The following ENTPD1 variants were observed in gnomAD, a reference collection of about 807,000 sequenced individuals.
ENTPD1 encodes ectonucleoside triphosphate diphosphohydrolase 1.
A neutral mutation model predicts 57.0 loss-of-function variants in ENTPD1; 33 were observed. The observed-to-expected ratio is 0.58, with a 90% confidence interval of 0.44 to 0.77. The LOEUF (loss-of-function observed/expected upper bound fraction) is 0.77, where lower values mean the gene tolerates loss of function less well. ENTPD1 is among the 30% of genes least tolerant of loss of function. The pLI is 0.00. For synonymous variants in ENTPD1, 202 were observed against 218.8 expected, an observed-to-expected ratio of 0.92 and a Z score of 0.68; for missense variants, 501 against 603.4, an observed-to-expected ratio of 0.83 and a Z score of 1.78.
chr10:95,867,553 A>G lies in ENTPD1; in HGVS notation c.*1170A>G, dbSNP rs1360056252. ...TGCCCTATCGTGGAATTTACACATC[A>G]GAATGTGCAGGATCCAAGTCTGAAA... is the stretch of plus-strand genomic sequence containing the variant. On this transcript the variant is annotated 3_prime_UTR_variant, in exon 10 of 10. Coordinates refer to ENST00000371205, the MANE Select transcript of ENTPD1 (RefSeq NM_001776.6). The G allele has an allele frequency of 6.1e-6, 6 of 985,348 alleles. No individual in the cohort carries two copies. Among genetic ancestry groups the G allele is most frequent in the Non-Finnish European group, 7.2e-6 (6 of 829,950 alleles). 61.0% of individuals were successfully genotyped at this position (985,348 alleles called of 1,614,324 possible). A position where few individuals can be genotyped will look rare whatever the true frequency, so the allele number is the denominator to read the frequency against.
intron 7 of ENTPD1, among the ~76,000 whole-genome samples, chr10:95,854,942 A>G (rs370881722): frequency 1.3e-5 from 2 of 152,118 alleles, no homozygotes; most frequent in East Asian, 1.9e-4. Flanking sequence ...GTAGATGTCT[A>G]TCTATTAGGT....
intron 2 of ENTPD1, among the ~76,000 whole-genome samples, chr10:95,833,244 T>G (rs2098401622): frequency 6.6e-6 from 1 of 152,218 alleles, no homozygotes; most frequent in South Asian, 2.1e-4. Context: ...ACCACAAAAC[T>G]GCACTTAAAA....
intron 1 of ENTPD1, among the ~76,000 whole-genome samples, chr10:95,738,431 C>T (rs2097996888): frequency 6.6e-6 from 1 of 152,168 alleles, no homozygotes; most frequent in African/African-American, 2.4e-5. Flanking sequence ...GTGAGGGAGG[C>T]CCCTTGCTTG....
At chr10:95,851,308 AT>A (rs980524203) in intron 7 of ENTPD1, among the ~76,000 whole-genome samples, 2 of 151,878 alleles carry the variant, frequency 1.3e-5, no homozygotes, top group African/African-American at 4.8e-5. Flanking sequence ...CATGAATTTT[AT>A]TTTTTTAATT....
intron 1 of ENTPD1, among the ~76,000 whole-genome samples, chr10:95,734,426 A>G (rs764425876): frequency 1.2e-4 from 19 of 152,250 alleles, no homozygotes; most frequent in Non-Finnish European, 1.8e-4. Flanking sequence ...AAAGGGCAGA[A>G]TATGGCAAGG....
chr10:95,705,561 G>A, the ENTPD1 span, among the ~76,000 whole-genome samples: 24,246 of 151,932 alleles, frequency 0.16, 2,731 homozygotes, highest in East Asian at 0.56. Context: ...GCGTGAACTC[G>A]GCTCACTGCA....
Position 95,871,565 on chromosome 10 carries a change from T to A in ENTPD1, c.*5182T>A, listed in dbSNP as rs1399419614. ...ACAATCAGTTTTATCACAGGTATAATGGATTTTTCAATAGTGAGGAGGTGC... is the reference window on the plus strand; with the variant it reads ...ACAATCAGTTTTATCACAGGTATAAAGGATTTTTCAATAGTGAGGAGGTGC... On this transcript the variant is annotated 3_prime_UTR_variant, in exon 10 of 10. Coordinates refer to ENST00000371205, the MANE Select transcript of ENTPD1 (RefSeq NM_001776.6). The A allele has an allele frequency of 2.0e-6, 2 of 985,356 alleles. No homozygotes were observed. The highest frequency in any genetic ancestry group is 2.4e-6 in the Non-Finnish European group (2 of 829,946). 61.0% of individuals were successfully genotyped at this position (985,356 alleles called of 1,614,324 possible). A position where few individuals can be genotyped will look rare whatever the true frequency, so the allele number is the denominator to read the frequency against.
At chr10:95,838,841 A>G (rs1431796761) in intron 2 of ENTPD1, among the ~76,000 whole-genome samples, 3 of 152,020 alleles carry the variant, frequency 2.0e-5, no homozygotes, top group African/African-American at 7.3e-5. Context: ...CCTTGCTTCT[A>G]TGTTTCTGTG....
chr10:95,819,962 G>A (rs1455744204), intron 1 of ENTPD1, among the ~76,000 whole-genome samples: 1 of 152,204 alleles, frequency 6.6e-6, no homozygotes, highest in Non-Finnish European at 1.5e-5. Context: ...GACAATCAAT[G>A]TGAATTTTCC....
At chr10:95,754,926 G>C (rs1460277140), upstream of ENTPD1, 3 of 152,240 alleles carry the variant, frequency 2.0e-5, no homozygotes, top group African/African-American at 7.2e-5. Flanking sequence ...ATGACTGAAA[G>C]CTCGCTGGAG....
intron 1 of ENTPD1, among the ~76,000 whole-genome samples, chr10:95,770,436 T>C (rs911437599): frequency 3.9e-5 from 6 of 152,030 alleles, no homozygotes; most frequent in Non-Finnish European, 7.4e-5. Flanking sequence ...TTTGGCACAG[T>C]GAATGTTGAA....
intron 2 of ENTPD1, among the ~76,000 whole-genome samples, chr10:95,838,642 A>AGAGGGGCACTGG (rs1175549308): frequency 1.1e-4 from 17 of 152,202 alleles, no homozygotes; most frequent in Non-Finnish European, 4.4e-5. Context: ...TAACTGACTG[A>AGAGGGGCACTGG]GAGGGGCACT....
intron 1 of ENTPD1, among the ~76,000 whole-genome samples, chr10:95,714,384 T>A (rs1475870631): frequency 6.6e-6 from 1 of 152,214 alleles, no homozygotes; most frequent in Non-Finnish European, 1.5e-5. Context: ...AAACTTAATT[T>A]ACCAGTTATT....
rs2098485137 is a variant in ENTPD1 at position 95,875,794 on chromosome 10, A to C, written c.*9411A>C. 1 of 183,166 alleles carries C rather than the reference A, an allele frequency of 5.5e-6. No homozygotes were observed. Among genetic ancestry groups the C allele is most frequent in the Non-Finnish European group, 1.1e-5 (1 of 95,234 alleles). The allele number at this position is 183,166 out of a possible 1,614,324, so 11.3% of individuals were successfully genotyped here. A position where few individuals can be genotyped will look rare whatever the true frequency, so the allele number is the denominator to read the frequency against. On this transcript the variant is annotated 3_prime_UTR_variant, in exon 10 of 10. Transcript: ENST00000371205. ...AAGAGAAAAATGAAGAAGCAGCAAA[A>C]GCAGAAACCCCTGATAAAACCATCA... is the stretch of plus-strand genomic sequence containing the variant.
chr10:95,824,829 TGGAACAA>T (rs2098368075), intron 2 of ENTPD1, among the ~76,000 whole-genome samples: 1 of 152,208 alleles, frequency 6.6e-6, no homozygotes, highest in Non-Finnish European at 1.5e-5. Flanking sequence ...CCTGGCAAAA[TGGAACAA>T]GGTCTTTGGC....
intron 1 of ENTPD1, among the ~76,000 whole-genome samples, chr10:95,726,111 T>A (rs1249612017): frequency 1.2e-4 from 19 of 152,326 alleles, no homozygotes; most frequent in African/African-American, 4.3e-4. Flanking sequence ...TTTGGAGACT[T>A]TTCATGAATA....
intron 1 of ENTPD1, among the ~76,000 whole-genome samples, chr10:95,789,986 T>TA (rs1233180107): frequency 6.6e-6 from 1 of 152,232 alleles, no homozygotes; most frequent in African/African-American, 2.4e-5. Context: ...TCATTGTGTT[T>TA]AGTACAACAC....
In ENTPD1 at chr10:95,871,262, TATAAA is replaced by T; in HGVS notation, c.*4882_*4886del. 1 of 984,864 alleles carries T rather than the reference TATAAA, an allele frequency of 1.0e-6. No homozygotes were observed. Among genetic ancestry groups the T allele is most frequent in the Non-Finnish European group, 1.2e-6 (1 of 829,390 alleles). 61.0% of individuals were successfully genotyped at this position (984,864 alleles called of 1,614,324 possible). ...ATATACAATGTCTTATTAACTGAAA[TATAAA>T]ATGTGTTTACTGTAAAATATAATCT... On this transcript the variant is annotated 3_prime_UTR_variant, in exon 10 of 10. Transcript: ENST00000371205.
At chr10:95,757,420 G>A (rs143660329) in intron 1 of ENTPD1, among the ~76,000 whole-genome samples, 255 of 125,628 alleles carry the variant, frequency 2.0e-3, no homozygotes, top group Non-Finnish European at 3.6e-3. Context: ...GGCAGGGCTG[G>A]TGGGCTTTTC....
Sources: gnomAD v4.1 joint callset for allele counts (sites outside exome capture counted in the v4.1 genomes callset) on GRCh38, gnomAD v4.1.1 for gene constraint, MANE v1.5 for transcripts, NCBI Gene and HGNC (gene_info 2026-07-23, HGNC 2026-07-21) for gene names.